The following FAN1 variants were observed in gnomAD, a reference collection of about 807,000 sequenced individuals.
FAN1 encodes the protein FANCD2 and FANCI associated nuclease 1.
Under a neutral mutation model 104.9 loss-of-function variants are expected in FAN1, and 91 were observed. The observed-to-expected ratio is 0.87, with a 90% CI of 0.73 to 1.03. The LOEUF is 1.03. Among genes scored for constraint, FAN1 ranks in the 50% least tolerant of loss-of-function variants. FAN1 has a pLI of 0.00. For synonymous variants in FAN1, 478 were observed against 457.6 expected (o/e 1.04, Z -0.57); for missense variants, 1,263 against 1,239.9 (o/e 1.02, Z -0.28).
At chr15:30,939,255 T>G in intron 14 of FAN1, 2 of 985,476 alleles carry the variant, frequency 2.0e-6, no homozygotes, top group Non-Finnish European at 2.4e-6. Flanking sequence ...AGCAAGACAC[T>G]GTACACCTTT....
At position 30,941,992 on chromosome 15, in the gene FAN1, C is replaced by T. The variant is rs1313204344; in HGVS notation, c.*430C>T. The T allele has an allele frequency of 6.2e-7, 1 of 1,613,976 alleles. No individual in the cohort carries two copies. Among genetic ancestry groups the T allele is most frequent in the East Asian group, 2.2e-5 (1 of 44,888 alleles). On this transcript the variant is annotated 3_prime_UTR_variant, in exon 15 of 15. Transcript: ENST00000362065. The stretch of plus-strand genomic sequence containing the variant: ...TTGGTTTTAATATCAATGAATTTCT[C>T]CTTGGAAGTAATTCTTGGTCACTGA...
chr15:30,918,327 T>C lies in FAN1; in HGVS notation c.1943+32T>C. 1.9e-6 allele frequency: 3 copies of C among 1,610,948 alleles called. No individual in the cohort carries two copies. The South Asian group carries it at 3.3e-5, about 18-fold the overall frequency. On this transcript the variant is annotated intron_variant, in intron 6 of 14. Coordinates refer to ENST00000362065, the MANE Select transcript of FAN1 (RefSeq NM_014967.5). ...GTTTTTCTAGGTACCTGCCAAAATT[T>C]ATACATTGACCAAGTTGTTCCCAAC...
intron 11 of FAN1, chr15:30,928,871 C>A (rs1475370108): frequency 1.2e-6 from 1 of 819,748 alleles, no homozygotes; most frequent in Non-Finnish European, 1.5e-6. Flanking sequence ...TAGCCTCCAC[C>A]TTACATTTAG....
At chr15:30,929,472 A>C (rs1328661695) in intron 12 of FAN1, 75 bp downstream of exon 12, 2 of 1,112,570 alleles carry the variant, frequency 1.8e-6, no homozygotes, top group Non-Finnish European at 2.6e-6. Context: ...CAGCAACTTT[A>C]TCAAAATACA....
At chr15:30,926,601 C>T (rs2062469491) in intron 10 of FAN1, 5 of 984,546 alleles carry the variant, frequency 5.1e-6, no homozygotes, top group Non-Finnish European at 6.0e-6. Context: ...ATCTTTATTA[C>T]TTACAGGGAA....
chr15:30,936,337 G>A (rs2062851688), intron 13 of FAN1, among the ~76,000 whole-genome samples: 1 of 152,190 alleles, frequency 6.6e-6, no homozygotes. Flanking sequence ...AATGTCCCAG[G>A]CAGCGGGAAC....
intron 13 of FAN1, among the ~76,000 whole-genome samples, chr15:30,932,221 CAAAAAAA>C (rs766829435): frequency 4.0e-5 from 2 of 49,508 alleles, no homozygotes; most frequent in East Asian, 6.5e-4. Context: ...GACTCCATCT[CAAAAAAA>C]AAAAAAAAAA....
chr15:30,913,886 C>T lies in FAN1; in HGVS notation c.1606C>T (p.Arg536Ter), dbSNP rs1408556558. Residue 536 changes from arginine to a stop codon, truncating the protein, a stop_gained, in exon 5 of 15, where the codon CGA (arginine) becomes TGA (stop). Transcript: ENST00000362065. LOFTEE classifies it high-confidence loss of function. ...CAAAGCCTTGGCTGGACAGTCAGTA[C>T]GAATCTGTAAAGGCCCCAGGGCTGT... ...RAKALAGQSV[R>*]ICKGPRAVFS... The T allele has an allele frequency of 7.4e-6, 12 of 1,613,828 alleles. No homozygotes were observed. Among genetic ancestry groups the T allele is most frequent in the East Asian group, 6.7e-5 (3 of 44,882 alleles).
intron 4 of FAN1, among the ~76,000 whole-genome samples, chr15:30,912,246 G>A (rs2062115207): frequency 6.6e-6 from 1 of 152,168 alleles, no homozygotes; most frequent in Non-Finnish European, 1.5e-5. Context: ...TCTTCATTCT[G>A]ATGGTAAAGC....
chr15:30,909,885 T>C (rs564065208), intron 3 of FAN1, among the ~76,000 whole-genome samples: 8 of 152,348 alleles, frequency 5.3e-5, no homozygotes, highest in African/African-American at 1.9e-4. Flanking sequence ...CCTGCCAGCT[T>C]CAGTTTGCCT....
intron 10 of FAN1, chr15:30,927,649 G>T (rs2062499232): frequency 2.0e-6 from 2 of 985,618 alleles, no homozygotes; most frequent in Non-Finnish European, 2.4e-6. Context: ...TTTGCTGCCA[G>T]TACTGGCATG....
At chr15:30,917,722 C>G (rs8024086) in intron 5 of FAN1, among the ~76,000 whole-genome samples, 5,725 of 152,168 alleles carry the variant, frequency 0.038, 354 homozygotes, top group African/African-American at 0.13. Flanking sequence ...TTGAAATATT[C>G]CAGGTAATCT....
chr15:30,922,747 G>A (rs528183574), intron 8 of FAN1, among the ~76,000 whole-genome samples: 1 of 152,358 alleles, frequency 6.6e-6, no homozygotes, highest in East Asian at 1.9e-4. Context: ...AGGGTCTCTA[G>A]GTAGAAAGAT....
At chr15:30,904,431 C>T in intron 1 of FAN1, 81 bp from the exon 2 acceptor site, 1 of 607,910 alleles carries the variant, frequency 1.6e-6, no homozygotes, top group East Asian at 2.9e-5. Flanking sequence ...GGAGACCTTG[C>T]TCTTAAACGT....
intron 14 of FAN1, chr15:30,940,847 C>G: frequency 2.0e-6 from 2 of 989,312 alleles, no homozygotes; most frequent in South Asian, 4.6e-5. Flanking sequence ...TTATCTGCAG[C>G]AAATGCTTTA....
At chr15:30,930,484 G>T in intron 12 of FAN1, 59 bp from the exon 13 acceptor site, 3 of 1,543,870 alleles carry the variant, frequency 1.9e-6, no homozygotes, top group Non-Finnish European at 2.6e-6. Flanking sequence ...GATCCCTGGA[G>T]CCTATTTCCA....
At position 30,941,964 on chromosome 15, in the gene FAN1, G is replaced by C. The variant is rs775016291; in HGVS notation, c.*402G>C. The C allele has an allele frequency of 8.1e-6, 13 of 1,613,884 alleles. No homozygotes were observed. The Admixed American group carries it at 2.0e-4, about 25-fold the overall frequency. Reference sequence around the variant, plus strand: ...CTGTCGGTTTGCTGAGCTGGATCTGGCTTTGGTTTTAATATCAATGAATTT... The same window carrying C: ...CTGTCGGTTTGCTGAGCTGGATCTGCCTTTGGTTTTAATATCAATGAATTT... On this transcript the variant is annotated 3_prime_UTR_variant, in exon 15 of 15. Coordinates refer to ENST00000362065, the MANE Select transcript of FAN1 (RefSeq NM_014967.5).
chr15:30,934,000 T>C (rs1184706169), intron 13 of FAN1, among the ~76,000 whole-genome samples: 1 of 152,010 alleles, frequency 6.6e-6, no homozygotes, highest in Non-Finnish European at 1.5e-5. Context: ...GGGCTCCACG[T>C]TGGCCTCCCA....
chr15:30,918,210 G>A lies in FAN1; in HGVS notation c.1858G>A (p.Ala620Thr), dbSNP rs752682261. 1.2e-5 allele frequency: 19 copies of A among 1,613,924 alleles called. No individual in the cohort carries two copies. The highest frequency in any genetic ancestry group is 1.5e-5 in the Non-Finnish European group (18 of 1,179,930). The change falls in exon 6 of 15, where the codon GCC becomes ACC. Residue 620 changes from alanine to threonine, a missense_variant. Coordinates refer to ENST00000362065, the MANE Select transcript of FAN1 (RefSeq NM_014967.5). ...HMLSDISSAM[A>T]NGNWEEAKEL... ...GCTGAGTGACATTTCTTCCGCAATGGCCAATGGGAACTGGGAAGAAGCTAA... is the reference window on the plus strand; with the variant it reads ...GCTGAGTGACATTTCTTCCGCAATGACCAATGGGAACTGGGAAGAAGCTAA...
Sources: gnomAD v4.1 joint callset for allele counts (sites outside exome capture counted in the v4.1 genomes callset) on GRCh38, gnomAD v4.1.1 for gene constraint, MANE v1.5 for transcripts, NCBI Gene and HGNC (gene_info 2026-07-23, HGNC 2026-07-21) for gene names.